CPE: variants seen among roughly 807,000 people sequenced by gnomAD.
CPE encodes carbocypeptidase E.
In CPE, 17 loss-of-function variants were observed where a neutral mutation model predicts 53.5. The observed-to-expected ratio is 0.32, with a 90% CI of 0.22 to 0.48. The LOEUF (loss-of-function observed/expected upper bound fraction) is 0.48. CPE is among the 20% of genes least tolerant of loss of function. The probability of loss-of-function intolerance (pLI) is 0.99; values close to 1 mark genes in which losing one functional copy is unlikely to be tolerated. For missense variants in CPE, 524 were observed against 614.7 expected (o/e 0.85, Z 1.56); for synonymous variants, 226 against 228.8 (o/e 0.99, Z 0.11).
At position 165,480,827 on chromosome 4, in the gene CPE, A is replaced by G. The variant is rs376235172; in HGVS notation, c.673-1415A>G. 1.3e-4 allele frequency among the ~76,000 whole-genome samples: 20 copies of G among 152,204 alleles called. 2 individuals carry two copies. The highest frequency in any genetic ancestry group is 3.9e-4 in the Admixed American group (6 of 15,284). On this transcript the variant is annotated intron_variant, in intron 3 of 8. Coordinates refer to ENST00000402744, the MANE Select transcript of CPE (RefSeq NM_001873.4). ...TGTTTTCAAGCAAAAAAAGCAGTAT[A>G]TAAAATGGCATATAAATGATCACAT...
chr4:165,497,135 G>A (rs538580493), intron 8 of CPE, among the ~76,000 whole-genome samples: 5 of 152,024 alleles, frequency 3.3e-5, no homozygotes, highest in South Asian at 2.1e-4. Flanking sequence ...TTGGTCAGGC[G>A]GGCCTCGAAT....
At chr4:165,440,457 C>A (rs544649657) in intron 1 of CPE, among the ~76,000 whole-genome samples, 3 of 143,738 alleles carry the variant, frequency 2.1e-5, no homozygotes, top group East Asian at 4.1e-4. Context: ...CAACCCCACC[C>A]CCCCCCACAC....
chr4:165,459,129 C>T (rs2126696870), intron 1 of CPE, among the ~76,000 whole-genome samples: 1 of 152,280 alleles, frequency 6.6e-6, no homozygotes, highest in East Asian at 1.9e-4. Flanking sequence ...AGACTTCTTT[C>T]TTTAAAGCTG....
At chr4:165,454,382 T>C (rs1369406390) in intron 1 of CPE, among the ~76,000 whole-genome samples, 1 of 152,242 alleles carries the variant, frequency 6.6e-6, no homozygotes, top group African/African-American at 2.4e-5. Flanking sequence ...ATCCTGAAGA[T>C]GTTTTGACAA....
rs183673188 is a variant in CPE, at chr4:165,453,867, G to A, written c.308-10523G>A. On this transcript the variant is annotated intron_variant, in intron 1 of 8. Coordinates refer to ENST00000402744, the MANE Select transcript of CPE (RefSeq NM_001873.4). The stretch of plus-strand genomic sequence containing the variant: ...AGAGAGGTGAGCAAAGGAAAAGAAG[G>A]TATTTCCACCTTCACTAGTTTATAA... Among the ~76,000 whole-genome samples the A allele has an allele frequency of 1.2e-4, 18 of 152,222 alleles. No individual in the cohort carries two copies. The East Asian group carries it at 2.1e-3, about 18-fold the overall frequency.
At chr4:165,403,479 G>A (rs1482006306) in intron 1 of CPE, among the ~76,000 whole-genome samples, 1 of 152,116 alleles carries the variant, frequency 6.6e-6, no homozygotes, top group East Asian at 1.9e-4. Flanking sequence ...GTAAAATCTG[G>A]AAGTTGGAAT....
chr4:165,485,935 G>A (rs1201498204), intron 5 of CPE, among the ~76,000 whole-genome samples: 1 of 152,146 alleles, frequency 6.6e-6, no homozygotes, highest in South Asian at 2.1e-4. Context: ...AGGGAAGTGA[G>A]GGAAGCAGGG....
At chr4:165,475,071 G>A (rs953409845) in intron 3 of CPE, among the ~76,000 whole-genome samples, 5 of 152,144 alleles carry the variant, frequency 3.3e-5, no homozygotes, top group East Asian at 1.9e-4. Context: ...CGAGTGAAAC[G>A]GCAACATTTA....
intron 3 of CPE, among the ~76,000 whole-genome samples, chr4:165,470,820 G>T (rs1347743): frequency 0.14 from 20,709 of 152,034 alleles, 1,741 homozygotes; most frequent in African/African-American, 0.24. Context: ...GGGTGGTGGT[G>T]GTTGTTTTGT....
chr4:165,469,270 C>A (rs572378392), intron 3 of CPE, among the ~76,000 whole-genome samples: 59 of 152,242 alleles, frequency 3.9e-4, no homozygotes, highest in African/African-American at 1.3e-3. Context: ...GCCCTCTATT[C>A]CTTCTCTATT....
chr4:165,386,565 T>A (rs1430273608), intron 1 of CPE, among the ~76,000 whole-genome samples: 2 of 152,206 alleles, frequency 1.3e-5, no homozygotes, highest in African/African-American at 2.4e-5. Flanking sequence ...GTGCACTGAA[T>A]CCAGTTTTGC....
chr4:165,452,145 G>T (rs6827155), intron 1 of CPE, among the ~76,000 whole-genome samples: 2 of 151,930 alleles, frequency 1.3e-5, no homozygotes, highest in African/African-American at 4.8e-5. Flanking sequence ...AGATACTAGA[G>T]GTTGGGAAGG....
chr4:165,425,693 C>T (rs1243141478), intron 1 of CPE, among the ~76,000 whole-genome samples: 1 of 151,626 alleles, frequency 6.6e-6, no homozygotes, highest in African/African-American at 2.4e-5. Context: ...CAATAGAGTC[C>T]TAGAAGAAGT....
intron 1 of CPE, chr4:165,404,364 A>G (rs1021478456): frequency 1.3e-6 from 1 of 769,680 alleles, no homozygotes; most frequent in Non-Finnish European, 2.4e-6. Flanking sequence ...GAGACTTCAG[A>G]CTTAGGAGGC....
At chr4:165,416,033 G>A (rs774109434) in intron 1 of CPE, among the ~76,000 whole-genome samples, 1 of 151,982 alleles carries the variant, frequency 6.6e-6, no homozygotes, top group Admixed American at 6.5e-5. Context: ...TGGCGTTAAC[G>A]TTTTTCTTAA....
At chr4:165,400,599 A>G (rs1013180664) in intron 1 of CPE, among the ~76,000 whole-genome samples, 5 of 152,198 alleles carry the variant, frequency 3.3e-5, no homozygotes, top group African/African-American at 4.8e-5. Flanking sequence ...AGTAGAGTCA[A>G]GAGGAAGAAG....
intron 1 of CPE, among the ~76,000 whole-genome samples, chr4:165,428,435 C>CT (rs72083329): frequency 0.29 from 44,777 of 151,832 alleles, 6,653 homozygotes; most frequent in Middle Eastern, 0.39. Flanking sequence ...AGAAAAAAGA[C>CT]TTACTGTAAT....
At chr4:165,461,558 G>A (rs1015046397) in intron 1 of CPE, among the ~76,000 whole-genome samples, 2 of 152,204 alleles carry the variant, frequency 1.3e-5, no homozygotes, top group Non-Finnish European at 2.9e-5. Flanking sequence ...GCTGGAGAGA[G>A]GCCAGAGGGG....
chr4:165,473,087 C>A (rs1579277622), intron 3 of CPE, among the ~76,000 whole-genome samples: 1 of 152,334 alleles, frequency 6.6e-6, no homozygotes, highest in East Asian at 1.9e-4. Context: ...GTCAAAGTAG[C>A]AGTTTATGAA....
Sources: allele counts gnomAD v4.1 joint callset (sites outside exome capture counted in the v4.1 genomes callset), GRCh38; gene constraint gnomAD v4.1.1; transcripts MANE v1.5; gene names NCBI Gene and HGNC (gene_info 2026-07-23, HGNC 2026-07-21).